IGF2R: variants seen among roughly 807,000 people sequenced by gnomAD.
The protein encoded by IGF2R is cation-independent mannose-6-phosphate receptor.
IGF2R carries 91 observed loss-of-function variants against 270.6 expected under a neutral mutation model. That is an observed-to-expected ratio of 0.34 (90% CI 0.28 to 0.40). The LOEUF is 0.40. Ranked by LOEUF, IGF2R falls within the 10% of genes least tolerant of loss-of-function variation. The pLI is 1.00. For synonymous variants in IGF2R, 1,316 were observed against 1,258.9 expected, an observed-to-expected ratio of 1.05 and a Z score of -0.96; for missense variants, 2,805 against 3,188.3, an observed-to-expected ratio of 0.88 and a Z score of 2.90.
chr6:160,020,836 T>C (rs916770336), intron 4 of IGF2R, among the ~76,000 whole-genome samples: 1 of 152,204 alleles, frequency 6.6e-6, no homozygotes, highest in Non-Finnish European at 1.5e-5. Context: ...TGCCTGAAAC[T>C]ATAAAATTCC....
At chr6:160,065,804 G>GTATA (rs1562364384) in intron 29 of IGF2R, among the ~76,000 whole-genome samples, 4 of 61,534 alleles carry the variant, frequency 6.5e-5, no homozygotes, top group Non-Finnish European at 1.2e-4. Flanking sequence ...GTGTGTGTGT[G>GTATA]TGTGTGTGTG....
At chr6:160,046,419 T>C in intron 14 of IGF2R, 79 bp from the exon 15 acceptor site, 1 of 1,414,316 alleles carries the variant, frequency 7.1e-7, no homozygotes, top group Non-Finnish European at 9.5e-7. Flanking sequence ...AACCTCTCCC[T>C]TTCAAACTGT....
At chr6:159,995,151 A>G (rs1225640293) in intron 2 of IGF2R, among the ~76,000 whole-genome samples, 4 of 150,976 alleles carry the variant, frequency 2.6e-5, no homozygotes, top group Non-Finnish European at 5.9e-5. Flanking sequence ...TAGGATGGTT[A>G]TATCTTGTTG....
intron 47 of IGF2R, 146 bp from the exon 48 acceptor site, chr6:160,104,528 G>C: frequency 1.3e-6 from 1 of 774,002 alleles, no homozygotes; most frequent in East Asian, 2.6e-5. Flanking sequence ...CTTTCCCTGG[G>C]AACTGGAGAT....
chr6:160,050,871 C>G lies in IGF2R; in HGVS notation c.2694+219C>G, dbSNP rs1173795036. Among the ~76,000 whole-genome samples, 1 of 152,194 alleles carries G rather than the reference C, an allele frequency of 6.6e-6. No homozygotes were observed. Among genetic ancestry groups the G allele is most frequent in the East Asian group, 1.9e-4 (1 of 5,198 alleles). On this transcript the variant is annotated intron_variant, in intron 19 of 47. Coordinates refer to ENST00000356956, the MANE Select transcript of IGF2R (RefSeq NM_000876.4). The surrounding 1 kb of genome is among the most constrained non-coding windows in gnomAD (Gnocchi z 4.0). ...TCTGAAGTGTAAGCCTCATCTTTTG[C>G]TGCGGAGTTTGAGGCTCTGGTGACA...
intron 41 of IGF2R, among the ~76,000 whole-genome samples, chr6:160,086,142 G>A (rs1456869351): frequency 6.6e-6 from 1 of 152,210 alleles, no homozygotes; most frequent in East Asian, 1.9e-4. Flanking sequence ...AGTGAACACA[G>A]GGGGTGACAT....
At chr6:159,978,074 C>T (rs890383491) in intron 1 of IGF2R, among the ~76,000 whole-genome samples, 18 of 152,120 alleles carry the variant, frequency 1.2e-4, no homozygotes, top group South Asian at 6.2e-4. Context: ...ACCTGTTTCT[C>T]GCCCTCCCAG....
intron 44 of IGF2R, chr6:160,094,280 A>G (rs1223820751): frequency 3.6e-6 from 1 of 280,636 alleles, no homozygotes; most frequent in African/African-American, 2.2e-5. Flanking sequence ...AATGCCACAC[A>G]TCCATCCAGT....
intron 2 of IGF2R, among the ~76,000 whole-genome samples, chr6:159,999,287 A>T (rs2115190099): frequency 6.6e-6 from 1 of 152,228 alleles, no homozygotes; most frequent in East Asian, 1.9e-4. Context: ...CACAAGGAAC[A>T]GTAGATAAAC....
intron 2 of IGF2R, among the ~76,000 whole-genome samples, chr6:159,994,790 G>A (rs1784028105): frequency 6.6e-6 from 1 of 152,046 alleles, no homozygotes; most frequent in South Asian, 2.1e-4. Flanking sequence ...GTTTTATTCC[G>A]CTGTGATCTG....
chr6:160,089,059 T>TA (rs1779158406), intron 42 of IGF2R, 48 bp from the exon 43 acceptor site: 1 of 1,588,242 alleles, frequency 6.3e-7, no homozygotes, highest in Non-Finnish European at 8.6e-7. Context: ...AGTCTTCCCT[T>TA]ATGTCTGGCT....
At chr6:159,971,256 C>T (rs182384513) in intron 1 of IGF2R, among the ~76,000 whole-genome samples, 1 of 152,296 alleles carries the variant, frequency 6.6e-6, no homozygotes, top group Non-Finnish European at 1.5e-5. Context: ...TTAGGTTAGT[C>T]ATGGCAGTGT....
At chr6:159,988,993 C>T (rs1316956086) in intron 1 of IGF2R, among the ~76,000 whole-genome samples, 2 of 152,228 alleles carry the variant, frequency 1.3e-5, no homozygotes, top group East Asian at 3.9e-4. Context: ...GTCCTTGAGT[C>T]ATCTTGACTC....
intron 37 of IGF2R, 142 bp downstream of exon 37, chr6:160,078,504 G>A (rs962859211): frequency 2.1e-5 from 16 of 761,088 alleles, no homozygotes; most frequent in Admixed American, 5.1e-5. Flanking sequence ...TGGTGCTCTC[G>A]TAGGGCATGC....
chr6:160,019,091 T>G (rs1777371332), intron 4 of IGF2R, among the ~76,000 whole-genome samples: 1 of 151,882 alleles, frequency 6.6e-6, no homozygotes, highest in African/African-American at 2.4e-5. Context: ...GAGGATTCAA[T>G]CAGAAATAAG....
chr6:160,034,691 C>T (rs994891312), intron 10 of IGF2R, among the ~76,000 whole-genome samples, 169 bp downstream of exon 10: 1 of 152,182 alleles, frequency 6.6e-6, no homozygotes, highest in Non-Finnish European at 1.5e-5. Flanking sequence ...TGGAGTAACA[C>T]TTTCCCCACC....
At chr6:159,984,122 G>T (rs1783844662) in intron 1 of IGF2R, among the ~76,000 whole-genome samples, 3 of 152,152 alleles carry the variant, frequency 2.0e-5, no homozygotes, top group South Asian at 4.1e-4. Flanking sequence ...TCCTCAGATG[G>T]GTTCAACCAT....
chr6:160,031,116 A>G lies in IGF2R; in HGVS notation c.883-1435A>G, dbSNP rs559652490. Among the ~76,000 whole-genome samples, 28 of 152,304 alleles carry G rather than the reference A, an allele frequency of 1.8e-4. No individual in the cohort carries two copies. The South Asian group carries it at 2.7e-3, about 15-fold the overall frequency. ...CTCGGCCTCCCACAGTGCTGGGATT[A>G]CAGGTGTGAGCCACCGCACCGGCCA... On this transcript the variant is annotated intron_variant, in intron 7 of 47. Coordinates refer to ENST00000356956, the MANE Select transcript of IGF2R (RefSeq NM_000876.4).
intron 27 of IGF2R, 76 bp from the exon 28 acceptor site, chr6:160,064,323 GGT>G: frequency 6.6e-7 from 1 of 1,507,942 alleles, no homozygotes; most frequent in Non-Finnish European, 9.2e-7. Context: ...CAGGGTGTGT[GGT>G]GTCACATGTC....
Sources: allele counts gnomAD v4.1 joint callset (sites outside exome capture counted in the v4.1 genomes callset), GRCh38; gene constraint gnomAD v4.1.1; non-coding constraint Gnocchi (gnomAD v3.1); transcripts MANE v1.5; gene names NCBI Gene and HGNC (gene_info 2026-07-23, HGNC 2026-07-21).